The following RNF123 variants were observed in gnomAD, a reference collection of about 807,000 sequenced individuals.
RNF123 encodes ring finger protein 123.
In RNF123, 86 loss-of-function variants were observed where a neutral mutation model predicts 168.5. The observed-to-expected ratio is 0.51, with a 90% CI of 0.43 to 0.61. The LOEUF (loss-of-function observed/expected upper bound fraction) is 0.61, where lower values mean the gene tolerates loss of function less well. RNF123 is among the 20% of genes least tolerant of loss of function. RNF123 has a pLI of 0.00. For synonymous variants in RNF123, 666 were observed against 689.1 expected (o/e 0.97, Z 0.52); for missense variants, 1,419 against 1,729.7 (o/e 0.82, Z 3.19).
chr3:49,718,001 C>CA, intron 35 of RNF123: 1 of 1,613,662 alleles, frequency 6.2e-7, no homozygotes, highest in Non-Finnish European at 8.5e-7. Context: ...GACTCAGAGC[C>CA]AGCCTTCAGC....
rs779323997 is a variant in RNF123 at position 49,700,655 on chromosome 3, C to T, written c.1223C>T (p.Thr408Ile). The T allele has an allele frequency of 6.2e-7, 1 of 1,614,210 alleles. No individual in the cohort carries two copies. Among genetic ancestry groups the T allele is most frequent in the Admixed American group, 1.7e-5 (1 of 60,032 alleles). Residue 408 changes from threonine to isoleucine, a missense_variant, in exon 15 of 39, where the codon ACT (threonine) becomes ATT (isoleucine). By Grantham distance (89) the Thr-to-Ile change is moderately conservative (BLOSUM62 -1). This residue lies in a region of RNF123 where 349 missense variants were observed against 344.9 expected (regional missense o/e 1.01). Transcript: ENST00000327697. ...LGLQIHYLRL[T>I]IAILRHEKSR... ...CCACAGATCCATTACCTGCGGCTCA[C>T]TATCGCCATCCTGAGGCATGAGAAG...
intron 21 of RNF123, 29 bp downstream of exon 21, chr3:49,703,557 G>A (rs777875082): frequency 1.5e-5 from 24 of 1,582,612 alleles, no homozygotes; most frequent in Non-Finnish European, 2.0e-5. Flanking sequence ...GCCGGGAGCA[G>A]TTCTGGGGCC....
chr3:49,702,527 CT>C, intron 19 of RNF123, 105 bp from the exon 20 acceptor site: 1 of 1,606,602 alleles, frequency 6.2e-7, no homozygotes, highest in Non-Finnish European at 8.5e-7. Context: ...TTCTCTGCTG[CT>C]TTTCCCTCCC....
At position 49,702,352 on chromosome 3, in the gene RNF123, A is replaced by T; in HGVS notation, c.1576A>T (p.Ile526Phe). The change falls in exon 19 of 39, where the codon ATC (isoleucine) becomes TTC (phenylalanine). Residue 526 changes from isoleucine to phenylalanine, a missense_variant. Around this residue, in one of 5 missense-constraint regions of RNF123, gnomAD observed 349 missense variants for 344.9 expected, o/e 1.01. Transcript: ENST00000327697. ...DDNGGEASRY[I>F]FLTKFRKFLQ... ...CTCAAAGGGTGAAGCTTCTAGGTAT[A>T]TCTTCCTGACCAAGTTTCGCAAGTT... 1.2e-6 allele frequency: 2 copies of T among 1,614,180 alleles called. No homozygotes were observed. Among genetic ancestry groups the T allele is most frequent in the Non-Finnish European group, 1.7e-6 (2 of 1,180,016 alleles).
chr3:49,710,105 G>A (rs1424581799), intron 26 of RNF123, among the ~76,000 whole-genome samples: 2 of 151,896 alleles, frequency 1.3e-5, no homozygotes, highest in Non-Finnish European at 1.5e-5. Flanking sequence ...CAAAGTGCGG[G>A]GATTATAGGC....
At chr3:49,711,249 C>T (rs2080140041) in intron 26 of RNF123, among the ~76,000 whole-genome samples, 1 of 152,182 alleles carries the variant, frequency 6.6e-6, no homozygotes, top group Non-Finnish European at 1.5e-5. Context: ...TTCCAGGTTA[C>T]AGTGAGCTGT....
At position 49,721,418 on chromosome 3, in the gene RNF123, C is replaced by T. The variant is rs759206917; in HGVS notation, c.*113C>T. Reference sequence around the variant, plus strand: ...CTGTATCCCACACCACCACATCCAACCTCCTTGCCTGCCTGTATCCTCATT... The same window carrying T: ...CTGTATCCCACACCACCACATCCAATCTCCTTGCCTGCCTGTATCCTCATT... On this transcript the variant is annotated 3_prime_UTR_variant, in exon 39 of 39. Coordinates refer to ENST00000327697, the MANE Select transcript of RNF123 (RefSeq NM_022064.5). The T allele has an allele frequency of 2.9e-6, 4 of 1,377,996 alleles. No homozygotes were observed. Among genetic ancestry groups the T allele is most frequent in the Non-Finnish European group, 4.1e-6 (4 of 966,596 alleles). 85.4% of individuals were successfully genotyped at this position (1,377,996 alleles called of 1,614,324 possible).
At chr3:49,709,862 C>T (rs1000260554) in intron 26 of RNF123, among the ~76,000 whole-genome samples, 5 of 152,250 alleles carry the variant, frequency 3.3e-5, no homozygotes, top group East Asian at 1.9e-4. Flanking sequence ...CATGAGCCAC[C>T]GCGCCCGGCC....
At chr3:49,718,936 A>T in intron 35 of RNF123, 1 of 1,613,750 alleles carries the variant, frequency 6.2e-7, no homozygotes, top group South Asian at 1.1e-5. Context: ...CAGACCGTGC[A>T]GGTGGTCGAA....
At position 49,716,468 on chromosome 3, in the gene RNF123, C is replaced by T. The variant is rs61743872; in HGVS notation, c.3491C>T (p.Pro1164Leu). The change falls in exon 35 of 39, where the codon CCA (proline) becomes CTA (leucine). Residue 1164 changes from proline to leucine, a missense_variant. Transcript: ENST00000327697. ...CTGGTGCAGCTCCTGGTGCGTGGCC[C>T]AGCCTCAGAGTGAGTGTTGGGGACC... ...GILVQLLVRG[P>L]ASEREQATSV... The T allele has an allele frequency of 1.4e-4, 223 of 1,613,978 alleles. No individual in the cohort carries two copies. The Middle Eastern group carries it at 1.8e-3, about 13-fold the overall frequency.
At chr3:49,701,677 G>T in intron 16 of RNF123, 69 bp downstream of exon 16, 5 of 1,492,866 alleles carry the variant, frequency 3.3e-6, no homozygotes, top group Non-Finnish European at 3.7e-6. Context: ...CTGGCCACTG[G>T]GCATCTAGCA....
At chr3:49,700,922 C>T (rs1289501132) in intron 15 of RNF123, among the ~76,000 whole-genome samples, 1 of 152,250 alleles carries the variant, frequency 6.6e-6, no homozygotes, top group African/African-American at 2.4e-5. Flanking sequence ...TGAATGACTG[C>T]AGACTCGGGC....
At chr3:49,711,181 C>CA (rs2080138347) in intron 26 of RNF123, among the ~76,000 whole-genome samples, 1 of 152,166 alleles carries the variant, frequency 6.6e-6, no homozygotes, top group Non-Finnish European at 1.5e-5. Flanking sequence ...CCTAAAAATA[C>CA]AAAAATTAGC....
At chr3:49,717,571 A>C in intron 35 of RNF123, 3 of 270,508 alleles carry the variant, frequency 1.1e-5, no homozygotes, top group Non-Finnish European at 2.1e-5. Context: ...AGGCTCTGCT[A>C]CAGGGGTTCT....
rs35074575 is a variant in RNF123 at position 49,696,642 on chromosome 3, CT to C, written c.168-482del. Reference sequence around the variant, plus strand: ...ATGAGCCACCGCACCTGGCCACATACTTTTTTTTTTTTTTTTTTTGAGACAG... The same window carrying C: ...ATGAGCCACCGCACCTGGCCACATACTTTTTTTTTTTTTTTTTTGAGACAG... On this transcript the variant is annotated intron_variant, in intron 3 of 38. Transcript: ENST00000327697. 9.8e-3 allele frequency among the ~76,000 whole-genome samples: 1,154 copies of C among 117,964 alleles called. 14 individuals are homozygous for C. The highest frequency in any genetic ancestry group is 0.034 in the African/African-American group (1,051 of 30,970). 77.4% of individuals were successfully genotyped at this position (117,964 alleles called of 152,430 possible). A position where few individuals can be genotyped will look rare whatever the true frequency, so the allele number is the denominator to read the frequency against.
chr3:49,706,787 G>T lies in RNF123; in HGVS notation c.2389-4G>T, dbSNP rs765290298. Reference sequence around the variant, plus strand: ...GATTGTCCTCCTTTCCCCTTGGGTGGCAGAGGAAGGACATCCTTGCAGAGT... The same window carrying T: ...GATTGTCCTCCTTTCCCCTTGGGTGTCAGAGGAAGGACATCCTTGCAGAGT... On this transcript the variant is annotated splice_region_variant and splice_polypyrimidine_tract_variant and intron_variant, in intron 25 of 38. Coordinates refer to ENST00000327697, the MANE Select transcript of RNF123 (RefSeq NM_022064.5). 27 of 1,613,286 alleles carry T rather than the reference G, an allele frequency of 1.7e-5. No homozygotes were observed. The South Asian group carries it at 2.9e-4, about 17-fold the overall frequency.
rs1559695181 is a variant in RNF123, at chr3:49,721,223, GCTT to G, written c.3869_3871del (p.Phe1290del). 3.7e-6 allele frequency: 6 copies of G among 1,614,232 alleles called. No homozygotes were observed. The highest frequency in any genetic ancestry group is 2.2e-5 in the South Asian group (2 of 91,086). ...CAGCACCTGATGAACAACAAGGACT[GCTT>G]CTTCTGCAAAACCACCATCGTGTCT... On this transcript the variant is annotated inframe_deletion, in exon 39 of 39. Coordinates refer to ENST00000327697, the MANE Select transcript of RNF123 (RefSeq NM_022064.5).
At chr3:49,708,842 T>G (rs1321022641) in intron 26 of RNF123, among the ~76,000 whole-genome samples, 1 of 152,246 alleles carries the variant, frequency 6.6e-6, no homozygotes, top group East Asian at 1.9e-4. Context: ...CTGTGAATAA[T>G]GCTGTAATGA....
At chr3:49,710,434 C>T (rs2080122251) in intron 26 of RNF123, among the ~76,000 whole-genome samples, 1 of 152,130 alleles carries the variant, frequency 6.6e-6, no homozygotes. Flanking sequence ...CATACGCCAC[C>T]ACGCCCGGCT....
Sources: allele counts gnomAD v4.1 joint callset (sites outside exome capture counted in the v4.1 genomes callset), GRCh38; gene constraint gnomAD v4.1.1; regional missense constraint gnomAD v4.1.1; transcripts MANE v1.5; gene names NCBI Gene and HGNC (gene_info 2026-07-23, HGNC 2026-07-21).